The following RNF169 variants were observed in gnomAD, a reference collection of about 807,000 sequenced individuals.
RNF169 encodes the protein ring finger protein 169, also known as E3 ubiquitin-protein ligase RNF169.
A neutral mutation model predicts 53.9 loss-of-function variants in RNF169; 24 were observed. That is an observed-to-expected ratio of 0.45 (90% CI 0.32 to 0.63). The LOEUF (loss-of-function observed/expected upper bound fraction) is 0.63. Ranked by LOEUF, RNF169 falls within the 20% of genes least tolerant of loss-of-function variation. RNF169 has a pLI of 0.04. For missense variants in RNF169, 883 were observed against 906.2 expected, an observed-to-expected ratio of 0.97 and a Z score of 0.33; for synonymous variants, 396 against 363.5, an observed-to-expected ratio of 1.09 and a Z score of -1.02.
At chr11:74,755,948 C>T (rs1237824846) in intron 1 of RNF169, among the ~76,000 whole-genome samples, 1 of 152,084 alleles carries the variant, frequency 6.6e-6, no homozygotes, top group African/African-American at 2.4e-5. Context: ...GGTGGAATAA[C>T]ATAATCATAC....
chr11:74,838,156 G>A lies in RNF169; in HGVS notation c.*1426G>A, dbSNP rs2036285536. The stretch of plus-strand genomic sequence containing the variant: ...AGAAACACTGACTCCCAAAATGCTA[G>A]AACTGGAAGGGACCTTAATGGTTAT... On this transcript the variant is annotated 3_prime_UTR_variant, in exon 6 of 6. Coordinates refer to ENST00000299563, the MANE Select transcript of RNF169 (RefSeq NM_001098638.2). 6.6e-6 allele frequency: 1 copy of A among 152,188 alleles called. No homozygotes were observed. The highest frequency in any genetic ancestry group is 1.9e-4 in the East Asian group (1 of 5,194). The allele number at this position is 152,188 out of a possible 1,614,324, so 9.4% of individuals were successfully genotyped here.
In RNF169 at chr11:74,748,908, G is replaced by T. The variant is rs1167147814; in HGVS notation, c.28G>T (p.Ala10Ser). ...GGCGGCTGCAGGTCCGAGTACTCGGGCCTCTTCCGCGGCGGCAGCAGCCGC... is the reference window on the plus strand; with the variant it reads ...GGCGGCTGCAGGTCCGAGTACTCGGTCCTCTTCCGCGGCGGCAGCAGCCGC... MAAAGPSTR[A>S]SSAAAAAALS... is the part of the protein sequence containing the mutation. The change falls in exon 1 of 6, where the codon GCC becomes TCC. Residue 10 changes from alanine (A) to serine (S), a missense_variant. Ala to Ser is a moderately conservative substitution (Grantham distance 99). Coordinates refer to ENST00000299563, the MANE Select transcript of RNF169 (RefSeq NM_001098638.2). The T allele has an allele frequency of 6.9e-7, 1 of 1,448,402 alleles. No individual in the cohort carries two copies. The highest frequency in any genetic ancestry group is 2.9e-5 in the East Asian group (1 of 34,706). 89.7% of individuals were successfully genotyped at this position (1,448,402 alleles called of 1,614,324 possible).
At position 74,840,094 on chromosome 11, in the gene RNF169, A is replaced by G; in HGVS notation, c.*3364A>G. On this transcript the variant is annotated 3_prime_UTR_variant, in exon 6 of 6. Transcript: ENST00000299563. ...CTGGTTACAAACTGGCAAACTGACT[A>G]AAATGGGAAGCTGCCACCGTGCCTG... The G allele has an allele frequency of 6.6e-6, 1 of 152,214 alleles. No homozygotes were observed. Among genetic ancestry groups the G allele is most frequent in the East Asian group, 1.9e-4 (1 of 5,202 alleles). 9.4% of individuals were successfully genotyped at this position (152,214 alleles called of 1,614,324 possible).
chr11:74,813,561 T>C (rs938562140), intron 3 of RNF169, among the ~76,000 whole-genome samples: 1 of 152,228 alleles, frequency 6.6e-6, no homozygotes, highest in Non-Finnish European at 1.5e-5. Context: ...CCTATAAACG[T>C]TTTGATACAT....
At chr11:74,820,280 T>C (rs748793172) in intron 4 of RNF169, among the ~76,000 whole-genome samples, 44 of 152,186 alleles carry the variant, frequency 2.9e-4, no homozygotes, top group Middle Eastern at 3.2e-3. Flanking sequence ...GTAAAATCAG[T>C]TGGCTCTCCT....
In RNF169 at chr11:74,835,954, A is replaced by G. The variant is rs2036249077; in HGVS notation, c.1351A>G (p.Thr451Ala). ...RQIKKTLSKA[T>A]LTSLAPEMGE... Reference sequence around the variant, plus strand: ...GATCAAAAAGACCCTTTCAAAAGCCACTCTTACCTCTCTGGCTCCTGAAAT... The same window carrying G: ...GATCAAAAAGACCCTTTCAAAAGCCGCTCTTACCTCTCTGGCTCCTGAAAT... The change falls in exon 6 of 6, where the codon ACT (threonine) becomes GCT (alanine). Residue 451 changes from threonine to alanine, a missense_variant. Thr to Ala is a moderately conservative substitution (Grantham distance 58). This residue lies in a region of RNF169 where 351 missense variants were observed against 337.3 expected (regional missense o/e 1.04). Coordinates refer to ENST00000299563, the MANE Select transcript of RNF169 (RefSeq NM_001098638.2). The G allele has an allele frequency of 6.2e-7, 1 of 1,613,836 alleles. No homozygotes were observed. The highest frequency in any genetic ancestry group is 8.5e-7 in the Non-Finnish European group (1 of 1,179,990).
chr11:74,787,996 A>G (rs973914717), intron 1 of RNF169, among the ~76,000 whole-genome samples: 4 of 151,984 alleles, frequency 2.6e-5, no homozygotes, highest in Non-Finnish European at 1.5e-5. Context: ...GGTTATTTCA[A>G]GGTACCATGT....
intron 3 of RNF169, among the ~76,000 whole-genome samples, chr11:74,816,436 G>A (rs2035942733): frequency 6.6e-6 from 1 of 152,132 alleles, no homozygotes. Context: ...GTTTAATAAT[G>A]AGGCAAAACT....
Position 74,810,273 on chromosome 11 carries a change from A to C in RNF169, c.666A>C (p.Lys222Asn), listed in dbSNP as rs761720253. 4 of 1,613,992 alleles carry C rather than the reference A, an allele frequency of 2.5e-6. 1 individual carries two copies. The South Asian group carries it at 4.4e-5, about 18-fold the overall frequency. Reference protein sequence around the residue: ...LPEDTETGKRKMDEQKKRDEP... With the variant: ...LPEDTETGKRNMDEQKKRDEP... ...AGGATACAGAAACAGGGAAAAGGAA[A>C]ATGGATGAACAGAAAAAAAGAGATG... The change falls in exon 3 of 6, where the codon AAA becomes AAC. Residue 222 changes from lysine (K) to asparagine (N), a missense_variant. Lys to Asn is a moderately conservative substitution (Grantham distance 94, BLOSUM62 0). Coordinates refer to ENST00000299563, the MANE Select transcript of RNF169 (RefSeq NM_001098638.2).
chr11:74,771,076 G>A (rs2035253256), intron 1 of RNF169, among the ~76,000 whole-genome samples: 1 of 152,030 alleles, frequency 6.6e-6, no homozygotes, highest in Non-Finnish European at 1.5e-5. Flanking sequence ...TCAAAGTGCT[G>A]GGATTACAGG....
chr11:74,826,502 C>T (rs892843224), intron 4 of RNF169, among the ~76,000 whole-genome samples: 1 of 145,230 alleles, frequency 6.9e-6, no homozygotes, highest in Admixed American at 6.9e-5. Flanking sequence ...AAAGCCTAAC[C>T]ATTCCACCCC....
chr11:74,791,969 T>C (rs1409459169), intron 2 of RNF169, among the ~76,000 whole-genome samples: 5 of 152,266 alleles, frequency 3.3e-5, no homozygotes, highest in South Asian at 2.1e-4. Context: ...AGGCTGCTGC[T>C]GCCATCACTG....
Position 74,837,551 on chromosome 11 carries a change from A to G in RNF169, c.*821A>G, listed in dbSNP as rs2036275607. The G allele has an allele frequency of 1.3e-5, 2 of 152,258 alleles. No homozygotes were observed. Among genetic ancestry groups the G allele is most frequent in the Non-Finnish European group, 2.9e-5 (2 of 68,062 alleles). 9.4% of individuals were successfully genotyped at this position (152,258 alleles called of 1,614,324 possible). A position where few individuals can be genotyped will look rare whatever the true frequency, so the allele number is the denominator to read the frequency against. On this transcript the variant is annotated 3_prime_UTR_variant, in exon 6 of 6. Coordinates refer to ENST00000299563, the MANE Select transcript of RNF169 (RefSeq NM_001098638.2). The stretch of plus-strand genomic sequence containing the variant: ...ACTGATAGTGCAGAATCCACATGCA[A>G]ACAAGATCGACAGGGTGGATAAACA...
chr11:74,800,375 A>G (rs2035712206), intron 2 of RNF169, among the ~76,000 whole-genome samples: 1 of 152,214 alleles, frequency 6.6e-6, no homozygotes, highest in African/African-American at 2.4e-5. Flanking sequence ...CATAATACAG[A>G]TGATGTAGAT....
chr11:74,807,303 C>T (rs2035819650), intron 2 of RNF169, among the ~76,000 whole-genome samples: 1 of 152,106 alleles, frequency 6.6e-6, no homozygotes, highest in Non-Finnish European at 1.5e-5. Context: ...ATACATGCTT[C>T]CTTTTTTTTT....
intron 1 of RNF169, among the ~76,000 whole-genome samples, chr11:74,766,968 C>A (rs879603640): frequency 6.6e-6 from 1 of 152,200 alleles, no homozygotes; most frequent in African/African-American, 2.4e-5. Context: ...AGGCCACTCT[C>A]ATGAACACAG....
At chr11:74,808,244 C>G (rs1009612769) in intron 2 of RNF169, 1 of 152,136 alleles carries the variant, frequency 6.6e-6, no homozygotes, top group African/African-American at 2.4e-5. Flanking sequence ...AGGATACATT[C>G]TAAAACACTA....
At chr11:74,749,452 G>C (rs1299135885) in intron 1 of RNF169, 70 bp downstream of exon 1, 7 of 1,169,150 alleles carry the variant, frequency 6.0e-6, no homozygotes, top group African/African-American at 3.4e-5. Context: ...CCTGGTGAGG[G>C]GGTGGAGAGT....
In RNF169 at chr11:74,815,813, G is replaced by A. The variant is rs766458352; in HGVS notation, c.724-1783G>A. Among the ~76,000 whole-genome samples, 225 of 152,240 alleles carry A rather than the reference G, an allele frequency of 1.5e-3. 1 individual carries two copies. Among genetic ancestry groups the A allele is most frequent in the Non-Finnish European group, 2.0e-3 (136 of 68,010 alleles). ...GTGACAGTGATAGCTGACAGAGCTAGGATTTGAACACTTTTTACTTGGTAC... is the reference window on the plus strand; with the variant it reads ...GTGACAGTGATAGCTGACAGAGCTAAGATTTGAACACTTTTTACTTGGTAC... On this transcript the variant is annotated intron_variant, in intron 3 of 5. Transcript: ENST00000299563.
Sources: allele counts gnomAD v4.1 joint callset (sites outside exome capture counted in the v4.1 genomes callset), GRCh38; gene constraint gnomAD v4.1.1; regional missense constraint gnomAD v4.1.1; transcripts MANE v1.5; gene names NCBI Gene and HGNC (gene_info 2026-07-23, HGNC 2026-07-21).